Variants in TNRC18 observed in about 807,000 individuals in gnomAD.
TNRC18 encodes the protein trinucleotide repeat-containing gene 18 protein.
TNRC18 carries 69 observed loss-of-function variants against 226.7 expected under a neutral mutation model. The ratio of observed to expected loss-of-function variants is 0.30; its 90% confidence interval spans 0.25 to 0.37. TNRC18 has a LOEUF of 0.37. Ranked by LOEUF, TNRC18 falls within the 10% of genes least tolerant of loss-of-function variation. TNRC18 has a pLI of 1.00. For missense variants in TNRC18, 4,754 were observed against 4,256.6 expected (o/e 1.12, Z -3.25); for synonymous variants, 2,449 against 1,927.6 (o/e 1.27, Z -7.09).
chr7:5,397,862 C>A (rs1041401619), intron 2 of TNRC18, among the ~76,000 whole-genome samples: 2 of 152,160 alleles, frequency 1.3e-5, no homozygotes, highest in African/African-American at 2.4e-5. Context: ...CTCTGTCTTC[C>A]CCGAGAGACA....
At chr7:5,319,452 C>T (rs1788138336) in intron 24 of TNRC18, among the ~76,000 whole-genome samples, 1 of 152,234 alleles carries the variant, frequency 6.6e-6, no homozygotes, top group Non-Finnish European at 1.5e-5. Context: ...TCTTGCCTGT[C>T]TGATATCCAC....
chr7:5,348,591 C>T (rs1235811499), intron 17 of TNRC18, among the ~76,000 whole-genome samples: 1 of 151,862 alleles, frequency 6.6e-6, no homozygotes, highest in East Asian at 1.9e-4. Context: ...TTCTGCTGGG[C>T]CACCTCAGAG....
intron 21 of TNRC18, among the ~76,000 whole-genome samples, chr7:5,323,864 G>A (rs1028871503): frequency 6.6e-6 from 1 of 152,226 alleles, no homozygotes; most frequent in Admixed American, 6.5e-5. Context: ...CACCACGCTC[G>A]GCCCAGACAG....
intron 11 of TNRC18, among the ~76,000 whole-genome samples, chr7:5,365,663 G>C (rs933108718): frequency 4.0e-5 from 6 of 150,878 alleles, no homozygotes; most frequent in Non-Finnish European, 1.5e-5. Flanking sequence ...CATGTTGCCC[G>C]GGCGGGTCTT....
At position 5,376,209 on chromosome 7, in the gene TNRC18, C is replaced by T. The variant is rs868315817; in HGVS notation, c.2624G>A (p.Arg875Gln). The T allele has an allele frequency of 1.3e-5, 19 of 1,507,966 alleles. No homozygotes were observed. The highest frequency in any genetic ancestry group is 1.4e-5 in the Non-Finnish European group (16 of 1,131,528). 93.4% of individuals were successfully genotyped at this position (1,507,966 alleles called of 1,614,324 possible). ...GGGCCAGAGGGGCGGTACGGTGGCC[C>T]GCTCCATCAGCTCCGCTGCAGGGAC... ...HLPHFAELME[R>Q]ATVPPLWPAL... is the part of the protein sequence containing the mutation. Residue 875 changes from arginine (R) to glutamine (Q), a missense_variant, in exon 9 of 30, where the codon CGG becomes CAG. By Grantham distance (43) the Arg-to-Gln change is conservative. Transcript: ENST00000430969.
intron 2 of TNRC18, among the ~76,000 whole-genome samples, chr7:5,415,337 A>G (rs184285178): frequency 3.5e-5 from 5 of 141,630 alleles, no homozygotes; most frequent in African/African-American, 1.4e-4. Context: ...CCAGACCTTT[A>G]CCATTTTGTT....
At chr7:5,343,009 C>A (rs142713569) in intron 18 of TNRC18, among the ~76,000 whole-genome samples, 2 of 152,146 alleles carry the variant, frequency 1.3e-5, no homozygotes, top group South Asian at 4.1e-4. Flanking sequence ...TGATCGTTAG[C>A]GTTTTTGGCA....
intron 4 of TNRC18, 135 bp from the exon 5 acceptor site, chr7:5,389,471 T>TTTTTC (rs549108764): frequency 1.5e-5 from 14 of 927,166 alleles, no homozygotes; most frequent in East Asian, 4.7e-5. Context: ...GTTTTTTTTT[T>TTTTTC]CAGAAAGAGT....
At position 5,345,516 on chromosome 7, in the gene TNRC18, C is replaced by CGGGGGGGGGGGGG; in HGVS notation, c.5719+45_5719+46insCCCCCCCCCCCCC. The CGGGGGGGGGGGGG allele has an allele frequency of 1.4e-5, 5 of 354,362 alleles. 1 individual carries two copies. The highest frequency in any genetic ancestry group is 1.6e-5 in the Non-Finnish European group (3 of 191,938). 22.0% of individuals were successfully genotyped at this position (354,362 alleles called of 1,614,324 possible). ...ACCTGTGGGATGGGGCAATGGCGTC[C>CGGGGGGGGGGGGG]GCCCCTCCCACCCACCCCCACCGCA... On this transcript the variant is annotated intron_variant, in intron 18 of 29. Transcript: ENST00000430969.
chr7:5,326,846 C>T (rs1047306071), intron 19 of TNRC18, among the ~76,000 whole-genome samples: 16 of 151,564 alleles, frequency 1.1e-4, no homozygotes, highest in Non-Finnish European at 2.4e-4. Context: ...AAAAAAAGGC[C>T]AGGTGCAGTG....
chr7:5,399,797 C>T (rs549852312), intron 2 of TNRC18, among the ~76,000 whole-genome samples: 7 of 152,054 alleles, frequency 4.6e-5, no homozygotes, highest in Non-Finnish European at 1.0e-4. Flanking sequence ...GCGGGTGGAT[C>T]GTGGATCACT....
chr7:5,402,070 T>G (rs1781134422), intron 2 of TNRC18, among the ~76,000 whole-genome samples: 1 of 150,308 alleles, frequency 6.7e-6, no homozygotes, highest in South Asian at 2.1e-4. Flanking sequence ...TCCCAGCTAC[T>G]CCGGAGGCTG....
At chr7:5,373,302 G>A (rs1339259554) in intron 10 of TNRC18, among the ~76,000 whole-genome samples, 1 of 152,142 alleles carries the variant, frequency 6.6e-6, no homozygotes, top group Non-Finnish European at 1.5e-5. Context: ...ACAAGCTGGG[G>A]CAACAGAGTG....
At chr7:5,404,320 G>A (rs920017500) in intron 2 of TNRC18, among the ~76,000 whole-genome samples, 3 of 151,398 alleles carry the variant, frequency 2.0e-5, no homozygotes, top group African/African-American at 4.9e-5. Context: ...GCAGTGAGCC[G>A]AGATCACGCC....
At chr7:5,387,213 G>A (rs1247781102) in intron 5 of TNRC18, among the ~76,000 whole-genome samples, 3 of 152,194 alleles carry the variant, frequency 2.0e-5, no homozygotes, top group African/African-American at 7.2e-5. Context: ...GAGGATGTTG[G>A]AACCCCAGTT....
intron 16 of TNRC18, among the ~76,000 whole-genome samples, chr7:5,352,998 C>T (rs1791987194): frequency 6.6e-6 from 1 of 152,234 alleles, no homozygotes; most frequent in South Asian, 2.1e-4. Context: ...TGCACGCATC[C>T]GTGGCGGGCA....
intron 1 of TNRC18, among the ~76,000 whole-genome samples, chr7:5,421,988 G>A (rs372960895): frequency 6.6e-6 from 1 of 152,152 alleles, no homozygotes; most frequent in Non-Finnish European, 1.5e-5. Flanking sequence ...TTCCGAGTTT[G>A]GTTTTTCCTG....
intron 2 of TNRC18, among the ~76,000 whole-genome samples, chr7:5,408,510 T>C (rs892230184): frequency 2.0e-5 from 3 of 151,574 alleles, no homozygotes; most frequent in Non-Finnish European, 4.4e-5. Context: ...TAGCCGGGTG[T>C]GGCAGCGCGT....
chr7:5,309,354 C>T lies in TNRC18; in HGVS notation c.8403G>A (p.Lys2801=). The T allele has an allele frequency of 6.2e-7, 1 of 1,612,634 alleles. No homozygotes were observed. Among genetic ancestry groups the T allele is most frequent in the Non-Finnish European group, 8.5e-7 (1 of 1,179,314 alleles). ...FGKPTQRRGM[K]GKARKLFYKA... is the part of the protein sequence containing the mutation. The stretch of plus-strand genomic sequence containing the variant: ...TGTAGAAGAGCTTGCGGGCCTTGCC[C>T]TTCATGCCACGCCGCTGCAAGGACA... Residue 2801 remains lysine, a synonymous_variant, in exon 28 of 30, where the codon AAG becomes AAA. Transcript: ENST00000430969. This position sits in a 1 kb window ranked among gnomAD's most constrained non-coding sequence, Gnocchi z 5.7.
Sources: allele counts gnomAD v4.1 joint callset (sites outside exome capture counted in the v4.1 genomes callset), GRCh38; gene constraint gnomAD v4.1.1; non-coding constraint Gnocchi (gnomAD v3.1); transcripts MANE v1.5; gene names NCBI Gene and HGNC (gene_info 2026-07-23, HGNC 2026-07-21).